Variants in CDH8 observed in about 807,000 individuals in gnomAD.
The protein encoded by CDH8 is cadherin 8.
A neutral mutation model predicts 68.1 loss-of-function variants in CDH8; 17 were observed. That is an observed-to-expected ratio of 0.25 (90% confidence interval 0.17 to 0.37). CDH8 has a LOEUF of 0.37. CDH8 is among the 10% of genes least tolerant of loss of function. The probability of loss-of-function intolerance (pLI) is 1.00; values close to 1 mark genes in which losing one functional copy is unlikely to be tolerated. For missense variants in CDH8, 763 were observed against 999.3 expected (o/e 0.76, Z 3.19); for synonymous variants, 372 against 365.1 (o/e 1.02, Z -0.21).
intron 2 of CDH8, among the ~76,000 whole-genome samples, chr16:61,999,865 A>G (rs1597117713): frequency 1.3e-5 from 2 of 152,050 alleles, no homozygotes; most frequent in East Asian, 3.9e-4. Flanking sequence ...AGGTATACAT[A>G]CATGTACCAC....
intron 8 of CDH8, among the ~76,000 whole-genome samples, chr16:61,731,855 T>C (rs1959546681): frequency 6.6e-6 from 1 of 151,708 alleles, no homozygotes. Context: ...TAAAAAGGCA[T>C]AATTAAATAT....
chr16:61,923,315 T>A (rs906524250), intron 2 of CDH8, among the ~76,000 whole-genome samples: 2 of 152,162 alleles, frequency 1.3e-5, no homozygotes, highest in African/African-American at 4.8e-5. Flanking sequence ...AATAAGTATT[T>A]TATTGTATAA....
At chr16:61,989,864 A>T (rs149585775) in intron 2 of CDH8, among the ~76,000 whole-genome samples, 2,004 of 152,288 alleles carry the variant, frequency 0.013, 27 homozygotes, top group African/African-American at 0.029. Flanking sequence ...GATATTATAT[A>T]ACTTGTCCAA....
chr16:61,655,657 AAGAT>A lies in CDH8; in HGVS notation c.1715_1718del (p.Tyr572PhefsTer5). 1 of 1,614,122 alleles carries A rather than the reference AAGAT, an allele frequency of 6.2e-7. No individual in the cohort carries two copies. The highest frequency in any genetic ancestry group is 8.5e-7 in the Non-Finnish European group (1 of 1,179,968). On this transcript the variant is annotated frameshift_variant, in exon 11 of 12. Transcript: ENST00000577390. LOFTEE classifies it high-confidence loss of function. ...CACTATCACTGATTATGATTGGTAA[AAGAT>A]AGACTTCTTGCTTCTGGCGGTTGAA...
rs1963237334 is a variant in CDH8 at position 61,647,804 on chromosome 16, G to A, written c.*5804C>T. On this transcript the variant is annotated 3_prime_UTR_variant, in exon 12 of 12. Transcript: ENST00000577390. ...ATTTCCTTTTCTGGTCCTGACCTCT[G>A]AGTTCATTGAAGCCATGGTTTTCCA... The A allele has an allele frequency of 1.4e-6, 1 of 699,550 alleles. No individual in the cohort carries two copies. Among genetic ancestry groups the A allele is most frequent in the Non-Finnish European group, 2.6e-6 (1 of 382,856 alleles). 43.3% of individuals were successfully genotyped at this position (699,550 alleles called of 1,614,324 possible).
chr16:61,892,715 A>G (rs1027638509), intron 3 of CDH8, among the ~76,000 whole-genome samples: 1 of 152,088 alleles, frequency 6.6e-6, no homozygotes, highest in East Asian at 1.9e-4. Context: ...GCAAGTTGGG[A>G]CACCACATAA....
intron 2 of CDH8, among the ~76,000 whole-genome samples, chr16:61,963,405 C>T (rs1383190333): frequency 2.6e-5 from 4 of 152,174 alleles, no homozygotes; most frequent in African/African-American, 4.8e-5. Context: ...TCAAAAACAA[C>T]TTTATATCAC....
At chr16:61,947,518 T>C (rs748993937) in intron 2 of CDH8, among the ~76,000 whole-genome samples, 2 of 152,172 alleles carry the variant, frequency 1.3e-5, no homozygotes, top group African/African-American at 2.4e-5. Context: ...AGGTTGAATT[T>C]TCTCCCCCTA....
At chr16:61,835,527 T>C (rs1962551499) in intron 4 of CDH8, among the ~76,000 whole-genome samples, 1 of 151,944 alleles carries the variant, frequency 6.6e-6, no homozygotes, top group African/African-American at 2.4e-5. Context: ...CAGGCCACCA[T>C]TTCCAGTACC....
At chr16:61,907,778 C>T (rs752483991) in intron 2 of CDH8, among the ~76,000 whole-genome samples, 2 of 152,052 alleles carry the variant, frequency 1.3e-5, no homozygotes, top group Non-Finnish European at 2.9e-5. Context: ...GACACGGTGG[C>T]TCACGCCTGT....
At chr16:62,015,436 G>C (rs554283724) in intron 2 of CDH8, among the ~76,000 whole-genome samples, 15 of 152,040 alleles carry the variant, frequency 9.9e-5, no homozygotes, top group Non-Finnish European at 2.1e-4. Flanking sequence ...AGTTCCATAG[G>C]GGTTTGTATC....
At chr16:61,822,342 T>C (rs1007199980) in intron 5 of CDH8, among the ~76,000 whole-genome samples, 1 of 149,850 alleles carries the variant, frequency 6.7e-6, no homozygotes, top group Non-Finnish European at 1.5e-5. Context: ...TGTCTCAGGG[T>C]CTGTTTCTGG....
At chr16:62,022,178 C>T (rs537364748) in intron 1 of CDH8, among the ~76,000 whole-genome samples, 14 of 152,114 alleles carry the variant, frequency 9.2e-5, no homozygotes, top group African/African-American at 1.4e-4. Flanking sequence ...GGGGAATTTA[C>T]CCCAATTTTT....
intron 2 of CDH8, among the ~76,000 whole-genome samples, chr16:61,978,088 C>T (rs1212779716): frequency 6.6e-6 from 1 of 152,144 alleles, no homozygotes; most frequent in Non-Finnish European, 1.5e-5. Flanking sequence ...ATATCTTTCT[C>T]TTTTGGCAAG....
At chr16:61,721,757 G>A (rs556698483) in intron 9 of CDH8, among the ~76,000 whole-genome samples, 1 of 150,888 alleles carries the variant, frequency 6.6e-6, no homozygotes, top group East Asian at 1.9e-4. Flanking sequence ...TCCTTGGAGA[G>A]CATTGCGACA....
chr16:62,022,553 A>C (rs1051584024), intron 1 of CDH8, among the ~76,000 whole-genome samples: 8 of 152,292 alleles, frequency 5.3e-5, no homozygotes, highest in African/African-American at 1.9e-4. Context: ...CTCTCAAAAA[A>C]AAATATTTTT....
At chr16:61,675,646 T>C (rs1963892591) in intron 10 of CDH8, among the ~76,000 whole-genome samples, 2 of 144,606 alleles carry the variant, frequency 1.4e-5, no homozygotes, top group Admixed American at 6.9e-5. Context: ...ATAAAAATAG[T>C]GTTATCATTT....
chr16:61,790,479 C>A (rs1961352748), intron 7 of CDH8, among the ~76,000 whole-genome samples: 1 of 151,936 alleles, frequency 6.6e-6, no homozygotes, highest in East Asian at 1.9e-4. Flanking sequence ...AGGATATATG[C>A]AATTGCATTT....
At chr16:61,706,741 A>T (rs113066582) in intron 10 of CDH8, among the ~76,000 whole-genome samples, 16 of 152,208 alleles carry the variant, frequency 1.1e-4, no homozygotes, top group African/African-American at 3.9e-4. Context: ...TAGACATTCA[A>T]TCTCATTGCC....
Sources: gnomAD v4.1 joint callset for allele counts (sites outside exome capture counted in the v4.1 genomes callset) on GRCh38, gnomAD v4.1.1 for gene constraint, MANE v1.5 for transcripts, NCBI Gene and HGNC (gene_info 2026-07-23, HGNC 2026-07-21) for gene names.